The following UFD1 variants were observed in gnomAD, a reference collection of about 807,000 sequenced individuals.
The protein encoded by UFD1 is ubiquitin recognition factor in ER associated degradation 1, also known as ubiquitin recognition factor in ER-associated degradation protein 1.
In UFD1, 13 loss-of-function variants were observed where a neutral mutation model predicts 45.9. The observed-to-expected ratio is 0.28, with a 90% confidence interval of 0.18 to 0.45. The LOEUF (loss-of-function observed/expected upper bound fraction) is 0.45. Among genes scored for constraint, UFD1 ranks in the 20% least tolerant of loss-of-function variants. The pLI is 1.00. For synonymous variants in UFD1, 128 were observed against 139.2 expected (o/e 0.92, Z 0.56); for missense variants, 218 against 389.2 (o/e 0.56, Z 3.70).
rs543053570 is a variant in UFD1, at chr22:19,467,806, T to C, written c.422+67A>G. 5.0e-6 allele frequency: 8 copies of C among 1,594,580 alleles called. No individual in the cohort carries two copies. In the East Asian group the frequency reaches 1.6e-4, roughly 31 times the overall value. On this transcript the variant is annotated intron_variant, in intron 5 of 11. Transcript: ENST00000263202. ...GCAGGCACAGATTCAATACAGTACA[T>C]GATGTTTAACAACCGCCAGCACACT...
chr22:19,460,755 C>CTT (rs544754175), intron 6 of UFD1, among the ~76,000 whole-genome samples: 7 of 133,626 alleles, frequency 5.2e-5, no homozygotes, highest in Admixed American at 3.0e-4. Flanking sequence ...AACCACCATT[C>CTT]TTTTTTTTTT....
intron 6 of UFD1, among the ~76,000 whole-genome samples, chr22:19,461,402 T>C (rs2089765430): frequency 6.6e-6 from 1 of 152,214 alleles, no homozygotes; most frequent in African/African-American, 2.4e-5. Flanking sequence ...CCAAGATTCT[T>C]TGTATATAAA....
chr22:19,459,635 G>GCAAA (rs777872137), intron 6 of UFD1, among the ~76,000 whole-genome samples: 6 of 148,990 alleles, frequency 4.0e-5, no homozygotes, highest in African/African-American at 1.5e-4. Flanking sequence ...AAACAAACAA[G>GCAAA]CAAACAAACA....
chr22:19,454,591 T>G lies in UFD1; in HGVS notation c.849+158A>C. On this transcript the variant is annotated intron_variant, in intron 11 of 11. Coordinates refer to ENST00000263202, the MANE Select transcript of UFD1 (RefSeq NM_005659.7). ...ATGTGAACTGTAAGTCCATTAAACC[T>G]CTTTCTTTTGTAAATTGCCCAGTCT... 2.1e-6 allele frequency: 3 copies of G among 1,456,960 alleles called. No individual in the cohort carries two copies. The East Asian group carries it at 7.8e-5, about 38-fold the overall frequency. The allele number at this position is 1,456,960 out of a possible 1,614,324, so 90.3% of individuals were successfully genotyped here.
chr22:19,460,100 CCT>C (rs2089755443), intron 6 of UFD1, among the ~76,000 whole-genome samples: 1 of 151,794 alleles, frequency 6.6e-6, no homozygotes, highest in African/African-American at 2.4e-5. Context: ...AAAAAAAAAA[CCT>C]AAGCAGGGCC....
At chr22:19,470,529 C>A in intron 4 of UFD1, 1 of 346,812 alleles carries the variant, frequency 2.9e-6, no homozygotes, top group Non-Finnish European at 5.7e-6. Flanking sequence ...GCAACCTAAG[C>A]CTCCTGGGTT....
chr22:19,462,262 A>T (rs2089773174), intron 6 of UFD1, among the ~76,000 whole-genome samples: 1 of 152,178 alleles, frequency 6.6e-6, no homozygotes, highest in African/African-American at 2.4e-5. Flanking sequence ...AGCCTCCCAA[A>T]TTGCTGGGAT....
At chr22:19,458,046 A>G (rs2089736673) in intron 7 of UFD1, 25 bp downstream of exon 7, 3 of 1,613,816 alleles carry the variant, frequency 1.9e-6, no homozygotes, top group South Asian at 2.2e-5. Flanking sequence ...GCCCAGGCTC[A>G]CTGTAACTGG....
intron 6 of UFD1, 151 bp downstream of exon 6, chr22:19,465,051 T>C: frequency 1.5e-6 from 1 of 688,914 alleles, no homozygotes; most frequent in East Asian, 2.7e-5. Context: ...GCTCTAAATA[T>C]GAACCCGGGA....
intron 6 of UFD1, among the ~76,000 whole-genome samples, chr22:19,459,553 T>G (rs949713209): frequency 1.3e-5 from 2 of 151,988 alleles, no homozygotes; most frequent in African/African-American, 4.8e-5. Flanking sequence ...AGGTGGAGCT[T>G]GCAGTAAGCT....
intron 6 of UFD1, among the ~76,000 whole-genome samples, chr22:19,463,074 A>G (rs1460302244): frequency 6.6e-6 from 1 of 152,194 alleles, no homozygotes; most frequent in Non-Finnish European, 1.5e-5. Context: ...TTCTACCTGT[A>G]GCTTATTCTG....
intron 6 of UFD1, 92 bp downstream of exon 6, chr22:19,465,110 C>T (rs954661426): frequency 2.5e-6 from 3 of 1,196,236 alleles, no homozygotes; most frequent in African/African-American, 1.5e-5. Flanking sequence ...AAGATCCAGG[C>T]ATACGCTGCT....
intron 4 of UFD1, 35 bp from the exon 5 acceptor site, chr22:19,468,038 A>G (rs1196792376): frequency 6.2e-7 from 1 of 1,611,462 alleles, no homozygotes; most frequent in Admixed American, 1.7e-5. Flanking sequence ...AGACTCCTAG[A>G]GATGAAGCAG....
intron 10 of UFD1, among the ~76,000 whole-genome samples, chr22:19,455,260 C>T (rs1485088230): frequency 6.6e-6 from 1 of 152,236 alleles, no homozygotes; most frequent in Non-Finnish European, 1.5e-5. Flanking sequence ...AACAGAAGCA[C>T]ATCTGAGGTA....
chr22:19,475,524 C>A lies in UFD1; in HGVS notation c.82G>T (p.Val28Leu). Residue 28 changes from valine (V) to leucine (L), a missense_variant, in exon 2 of 12, where the codon GTG becomes TTG. This residue lies in a region of UFD1 where 149 missense variants were observed against 307.5 expected (regional missense o/e 0.48). Transcript: ENST00000263202. Reference sequence around the variant, plus strand: ...TCATTAGGCCCTGCTAGCATGGACACAGAGAAGCAGCGGTACTGTGTGGAG... The same window carrying A: ...TCATTAGGCCCTGCTAGCATGGACAAAGAGAAGCAGCGGTACTGTGTGGAG... ...RFSTQYRCFS[V>L]SMLAGPNDRS... 1 of 1,614,156 alleles carries A rather than the reference C, an allele frequency of 6.2e-7. No individual in the cohort carries two copies. Among genetic ancestry groups the A allele is most frequent in the Non-Finnish European group, 8.5e-7 (1 of 1,180,028 alleles).
At chr22:19,469,459 TGA>T (rs1027317364) in intron 4 of UFD1, among the ~76,000 whole-genome samples, 5 of 152,210 alleles carry the variant, frequency 3.3e-5, no homozygotes, top group African/African-American at 1.2e-4. Flanking sequence ...GGAAGAGGCC[TGA>T]GAGCACTAAG....
At chr22:19,466,146 G>C (rs1400342366) in intron 5 of UFD1, 1 of 152,250 alleles carries the variant, frequency 6.6e-6, no homozygotes, top group African/African-American at 2.4e-5. Flanking sequence ...GCAACTTTGT[G>C]AAAAGCGCCT....
At position 19,479,005 on chromosome 22, in the gene UFD1, C is replaced by T. The variant is rs369449677; in HGVS notation, c.3+78G>A. The T allele has an allele frequency of 9.6e-5, 132 of 1,376,738 alleles. 1 individual carries two copies. In the African/African-American group the frequency reaches 1.5e-3, roughly 16 times the overall value. 85.3% of individuals were successfully genotyped at this position (1,376,738 alleles called of 1,614,324 possible). On this transcript the variant is annotated intron_variant, in intron 1 of 11. Coordinates refer to ENST00000263202, the MANE Select transcript of UFD1 (RefSeq NM_005659.7). Reference sequence around the variant, plus strand: ...ACTCGGCACCTCCGCCGCCGTCCCGCCCCGCCCTGCCCCGCCGGGCCCTAC... The same window carrying T: ...ACTCGGCACCTCCGCCGCCGTCCCGTCCCGCCCTGCCCCGCCGGGCCCTAC...
intron 4 of UFD1, among the ~76,000 whole-genome samples, chr22:19,470,447 GTT>G (rs58791056): frequency 6.8e-6 from 1 of 147,210 alleles, no homozygotes; most frequent in African/African-American, 2.5e-5. Flanking sequence ...TATTATTGTT[GTT>G]TTTTTTTTTT....
Sources: allele counts gnomAD v4.1 joint callset (sites outside exome capture counted in the v4.1 genomes callset), GRCh38; gene constraint gnomAD v4.1.1; regional missense constraint gnomAD v4.1.1; transcripts MANE v1.5; gene names NCBI Gene and HGNC (gene_info 2026-07-23, HGNC 2026-07-21).